COL15A1: variants seen among roughly 807,000 people sequenced by gnomAD.
COL15A1 encodes collagen type XV alpha 1 chain.
A neutral mutation model predicts 165.9 loss-of-function variants in COL15A1; 111 were observed. That is an observed-to-expected ratio of 0.67 (90% CI 0.57 to 0.78). The LOEUF (loss-of-function observed/expected upper bound fraction) is 0.78. Among genes scored for constraint, COL15A1 ranks in the 30% least tolerant of loss-of-function variants. The probability of loss-of-function intolerance (pLI) is 0.00; values close to 1 mark genes in which losing one functional copy is unlikely to be tolerated. For synonymous variants in COL15A1, 659 were observed against 674.8 expected (o/e 0.98, Z 0.36); for missense variants, 1,745 against 1,789.7 (o/e 0.98, Z 0.45).
intron 2 of COL15A1, among the ~76,000 whole-genome samples, chr9:98,977,486 G>A (rs147909699): frequency 8.4e-4 from 128 of 152,342 alleles, no homozygotes; most frequent in Admixed American, 6.1e-3. Flanking sequence ...AGGCGCAGCC[G>A]CGAGTGAGCA....
intron 16 of COL15A1, among the ~76,000 whole-genome samples, chr9:99,027,583 G>C (rs112143281): frequency 8.3e-4 from 118 of 141,376 alleles, no homozygotes; most frequent in South Asian, 2.1e-3. Context: ...ACTCTGTCTC[G>C]AACTTAAAGA....
At chr9:99,051,826 A>G (rs1839593277) in intron 30 of COL15A1, among the ~76,000 whole-genome samples, 1 of 152,184 alleles carries the variant, frequency 6.6e-6, no homozygotes. Flanking sequence ...ACTGGGAAGG[A>G]ATATTATCCA....
intron 2 of COL15A1, among the ~76,000 whole-genome samples, chr9:98,965,382 G>A (rs866096385): frequency 1.6e-4 from 25 of 152,206 alleles, no homozygotes; most frequent in African/African-American, 5.8e-4. Context: ...GCAGTCTTAA[G>A]CTCCTTCAGC....
At chr9:98,953,881 A>G (rs1415554899) in intron 2 of COL15A1, among the ~76,000 whole-genome samples, 1 of 152,212 alleles carries the variant, frequency 6.6e-6, no homozygotes, top group East Asian at 1.9e-4. Context: ...TTTCTGTTGA[A>G]GTCTTCAAAA....
At chr9:98,975,905 TA>T (rs200385955) in intron 2 of COL15A1, among the ~76,000 whole-genome samples, 6,250 of 152,168 alleles carry the variant, frequency 0.041, 420 homozygotes, top group African/African-American at 0.14. Flanking sequence ...GATTTAGATG[TA>T]AGAAGATGGG....
At chr9:99,040,738 G>T in intron 23 of COL15A1, 182 bp downstream of exon 23, 1 of 1,089,032 alleles carries the variant, frequency 9.2e-7, no homozygotes, top group Non-Finnish European at 1.3e-6. Flanking sequence ...AGGCTGGTCT[G>T]GAACTCCTGA....
In COL15A1 at chr9:99,070,709, A is replaced by G. The variant is rs1464828895; in HGVS notation, c.*823A>G. 4.9e-5 allele frequency: 21 copies of G among 427,194 alleles called. No individual in the cohort carries two copies. Among genetic ancestry groups the G allele is most frequent in the Non-Finnish European group, 9.8e-5 (21 of 213,926 alleles). 26.5% of individuals were successfully genotyped at this position (427,194 alleles called of 1,614,324 possible). A position where few individuals can be genotyped will look rare whatever the true frequency, so the allele number is the denominator to read the frequency against. ...CATAGAGATGAATTTTCTGAGAAAC[A>G]TATATCTACATGTTGTATAATTGGA... is the stretch of plus-strand genomic sequence containing the variant. On this transcript the variant is annotated 3_prime_UTR_variant, in exon 42 of 42. Transcript: ENST00000375001.
intron 2 of COL15A1, among the ~76,000 whole-genome samples, chr9:98,967,280 C>G (rs1266057423): frequency 6.6e-6 from 1 of 152,186 alleles, no homozygotes; most frequent in East Asian, 1.9e-4. Context: ...ACCGCAGTCC[C>G]CTCCTGGAAG....
rs1588542123 is a variant in COL15A1, at chr9:99,066,597, C to CTGTTTTTTTTTT, written c.3652-283_3652-272dup. ...TATTTGGTCCAAGCAATATTTTGTT[C>CTGTTTTTTTTTT]TGTTTTTTTTTTTTTTTTTTTTTTT... On this transcript the variant is annotated intron_variant, in intron 39 of 41. Transcript: ENST00000375001. Among the ~76,000 whole-genome samples the CTGTTTTTTTTTT allele has an allele frequency of 1.3e-3, 86 of 65,086 alleles. 1 individual carries two copies. Among genetic ancestry groups the CTGTTTTTTTTTT allele is most frequent in the East Asian group, 8.6e-3 (19 of 2,202 alleles). The allele number at this position is 65,086 out of a possible 152,430, so 42.7% of individuals were successfully genotyped here.
At chr9:99,056,204 G>A in intron 34 of COL15A1, 56 bp from the exon 35 acceptor site, 5 of 1,532,110 alleles carry the variant, frequency 3.3e-6, no homozygotes, top group Non-Finnish European at 4.5e-6. Flanking sequence ...GGACTAGATG[G>A]GACTTCGAGT....
intron 28 of COL15A1, among the ~76,000 whole-genome samples, chr9:99,048,519 ATTTTGTTTTG>A (rs112566357): frequency 7.6e-4 from 116 of 151,902 alleles, no homozygotes; most frequent in African/African-American, 2.6e-3. Flanking sequence ...GTGCAAAGTG[ATTTTGTTTTG>A]TTTTGTTTTG....
At chr9:98,944,558 C>G (rs1482954604) in intron 2 of COL15A1, among the ~76,000 whole-genome samples, 1 of 152,192 alleles carries the variant, frequency 6.6e-6, no homozygotes, top group Non-Finnish European at 1.5e-5. Flanking sequence ...AGCGCCAGCG[C>G]CAACAGCCTC....
intron 21 of COL15A1, among the ~76,000 whole-genome samples, chr9:99,037,624 G>A (rs1839325414): frequency 6.6e-6 from 1 of 152,136 alleles, no homozygotes; most frequent in Non-Finnish European, 1.5e-5. Context: ...TGTCTTCAAG[G>A]AGCCTCCAGT....
chr9:99,055,423 CG>C, intron 34 of COL15A1, 51 bp downstream of exon 34: 1 of 1,167,438 alleles, frequency 8.6e-7, no homozygotes, highest in Non-Finnish European at 1.3e-6. Flanking sequence ...ACAGCTTTCC[CG>C]GAAGCCCCCA....
chr9:98,947,330 A>G (rs1829042869), intron 2 of COL15A1, among the ~76,000 whole-genome samples: 1 of 152,190 alleles, frequency 6.6e-6, no homozygotes, highest in Non-Finnish European at 1.5e-5. Flanking sequence ...GTCCCTATAT[A>G]TGAGATTTCT....
rs781501729 is a variant in COL15A1, at chr9:99,068,551, A to G, written c.3838-4A>G. 16 of 1,439,154 alleles carry G rather than the reference A, an allele frequency of 1.1e-5. No homozygotes were observed. The South Asian group carries it at 1.4e-4, about 13-fold the overall frequency. 89.1% of individuals were successfully genotyped at this position (1,439,154 alleles called of 1,614,324 possible). A position where few individuals can be genotyped will look rare whatever the true frequency, so the allele number is the denominator to read the frequency against. ...GATTCTAATGTGGTATTTTGTCTCT[A>G]TAGGGCCAAGTACTTTTTAATAATT... On this transcript the variant is annotated splice_region_variant and splice_polypyrimidine_tract_variant and intron_variant, in intron 40 of 41. Coordinates refer to ENST00000375001, the MANE Select transcript of COL15A1 (RefSeq NM_001855.5).
In COL15A1 at chr9:99,005,039, G is replaced by T. The variant is rs1838733837; in HGVS notation, c.1342G>T (p.Glu448Ter). 6.2e-7 allele frequency: 1 copy of T among 1,608,308 alleles called. No individual in the cohort carries two copies. Among genetic ancestry groups the T allele is most frequent in the Admixed American group, 1.7e-5 (1 of 59,358 alleles). Residue 448 changes from glutamate to a stop codon, truncating the protein, a stop_gained, in exon 9 of 42, where the codon GAG (glutamate) becomes TAG (stop). Transcript: ENST00000375001. LOFTEE classifies it high-confidence loss of function. ...LSMSAQSLGEEATVGPSSEDS... is the reference protein window; with the variant it reads ...LSMSAQSLGE ...CATGTCCGCCCAGAGCCTCGGGGAA[G>T]AGGCCACTGTGGTAAGGATCGTACA... is the stretch of plus-strand genomic sequence containing the variant.
chr9:99,048,012 T>TG lies in COL15A1; in HGVS notation c.2793+16dup. 6.7e-7 allele frequency: 1 copy of TG among 1,490,320 alleles called. No individual in the cohort carries two copies. The highest frequency in any genetic ancestry group is 9.2e-7 in the Non-Finnish European group (1 of 1,084,820). The allele number at this position is 1,490,320 out of a possible 1,614,324, so 92.3% of individuals were successfully genotyped here. A position where few individuals can be genotyped will look rare whatever the true frequency, so the allele number is the denominator to read the frequency against. On this transcript the variant is annotated intron_variant, in intron 28 of 41. Transcript: ENST00000375001. Reference sequence around the variant, plus strand: ...GGGTCATTATGCAGGTGAGTCACCCTGGGGATGGAGCCGGAGGTTGGTGTC... The same window carrying TG: ...GGGTCATTATGCAGGTGAGTCACCCTGGGGGATGGAGCCGGAGGTTGGTGTC...
At chr9:98,963,325 C>T (rs1431032215) in intron 2 of COL15A1, among the ~76,000 whole-genome samples, 1 of 152,200 alleles carries the variant, frequency 6.6e-6, no homozygotes, top group Non-Finnish European at 1.5e-5. Context: ...GAACCTGAGG[C>T]CTCAGAAAAT....
Sources: gnomAD v4.1 joint callset for allele counts (sites outside exome capture counted in the v4.1 genomes callset) on GRCh38, gnomAD v4.1.1 for gene constraint, MANE v1.5 for transcripts, NCBI Gene and HGNC (gene_info 2026-07-23, HGNC 2026-07-21) for gene names.